UNC45A: variants seen among roughly 807,000 people sequenced by gnomAD.
UNC45A encodes protein unc-45 homolog A.
A neutral mutation model predicts 103.2 loss-of-function variants in UNC45A; 78 were observed. That is an observed-to-expected ratio of 0.76 (90% CI 0.63 to 0.91). The LOEUF is 0.91. Ranked by LOEUF, UNC45A falls within the 40% of genes least tolerant of loss-of-function variation. UNC45A has a pLI of 0.00. For synonymous variants in UNC45A, 495 were observed against 504.6 expected (o/e 0.98, Z 0.25); for missense variants, 1,193 against 1,224.8 (o/e 0.97, Z 0.39).
At chr15:90,932,482 C>G (rs544321005), upstream of UNC45A, 30 of 1,308,188 alleles carry the variant, frequency 2.3e-5, no homozygotes, top group East Asian at 3.8e-4. Flanking sequence ...CCGCTGCTGC[C>G]GGTGCTTGCG....
At chr15:90,946,939 T>A in intron 10 of UNC45A, 25 bp downstream of exon 10, 1 of 839,536 alleles carries the variant, frequency 1.2e-6, no homozygotes, top group Non-Finnish European at 1.9e-6. Flanking sequence ...CTGGGGTGGG[T>A]GGGCAGGCAG....
intron 14 of UNC45A, 55 bp downstream of exon 14, chr15:90,949,498 C>A (rs1596238831): frequency 6.2e-7 from 1 of 1,606,628 alleles, no homozygotes; most frequent in East Asian, 2.2e-5. Context: ...CTCAGGGCTG[C>A]AGATGTGGCT....
chr15:90,944,315 A>C (rs1478106034), intron 8 of UNC45A, among the ~76,000 whole-genome samples: 2 of 151,942 alleles, frequency 1.3e-5, no homozygotes, highest in Admixed American at 6.6e-5. Context: ...TGAACTCAGG[A>C]GGCGGAGGCT....
At chr15:90,931,486 T>G, upstream of UNC45A, 1 of 1,614,114 alleles carries the variant, frequency 6.2e-7, no homozygotes, top group South Asian at 1.1e-5. Flanking sequence ...CAAGCTTGGT[T>G]CAAGGCCATG....
chr15:90,953,311 G>T lies in UNC45A; in HGVS notation c.2577+1G>T. ...GCTCTGCAGCCGCATTCCCCAAGTG[G>T]TCAGTGCCTCTTCTCAGTGGGGGAG... On this transcript the variant is annotated splice_donor_variant, in intron 19 of 19. Coordinates refer to ENST00000418476, the MANE Select transcript of UNC45A (RefSeq NM_018671.5). LOFTEE classifies it high-confidence loss of function. 2.5e-6 allele frequency: 4 copies of T among 1,607,066 alleles called. No individual in the cohort carries two copies. Among genetic ancestry groups the T allele is most frequent in the Non-Finnish European group, 3.4e-6 (4 of 1,177,040 alleles).
chr15:90,943,524 G>C (rs2036401620), intron 8 of UNC45A, among the ~76,000 whole-genome samples: 1 of 151,972 alleles, frequency 6.6e-6, no homozygotes, highest in Non-Finnish European at 1.5e-5. Flanking sequence ...TGCTGGAGCT[G>C]AGAAGATCTT....
chr15:90,949,598 G>T (rs1224946391), intron 14 of UNC45A, 56 bp from the exon 15 acceptor site: 6 of 1,610,626 alleles, frequency 3.7e-6, no homozygotes, highest in Non-Finnish European at 5.1e-6. Flanking sequence ...TAGGAGTGCA[G>T]CGTCTGCCTG....
chr15:90,939,885 C>CTTCA, intron 5 of UNC45A, 62 bp downstream of exon 5: 2 of 1,497,314 alleles, frequency 1.3e-6, no homozygotes, highest in African/African-American at 1.4e-5. Flanking sequence ...CCATAGGCCC[C>CTTCA]CGAAGCCACT....
chr15:90,946,735 AGT>A lies in UNC45A; in HGVS notation c.1325_1326del (p.Val442AspfsTer7). The stretch of plus-strand genomic sequence containing the variant: ...CTTGGAGCTGAGCGGTGTCATGGAG[AGT>A]GTGATTGCTCTGTGTGCCTCTGAGC... ...RALELSGVMESVIALCASEQE... is the reference protein window; with the variant it reads ...RALELSGVMEXVIALCASEQE... On this transcript the variant is annotated frameshift_variant, in exon 10 of 20. Coordinates refer to ENST00000418476, the MANE Select transcript of UNC45A (RefSeq NM_018671.5). LOFTEE classifies it high-confidence loss of function. The A allele has an allele frequency of 1.2e-6, 2 of 1,613,664 alleles. No homozygotes were observed. The highest frequency in any genetic ancestry group is 1.7e-6 in the Non-Finnish European group (2 of 1,179,992).
At chr15:90,943,749 C>T (rs1463670272) in intron 8 of UNC45A, among the ~76,000 whole-genome samples, 1 of 151,260 alleles carries the variant, frequency 6.6e-6, no homozygotes, top group African/African-American at 2.4e-5. Context: ...AGTGCAGTGG[C>T]GCGATCTCAG....
At chr15:90,950,747 A>G (rs1039756517) in intron 17 of UNC45A, 132 bp downstream of exon 17, 13 of 892,604 alleles carry the variant, frequency 1.5e-5, no homozygotes, top group Non-Finnish European at 2.1e-5. Context: ...GCTCCGCATC[A>G]TTAGAGAGGA....
intron 17 of UNC45A, 26 bp from the exon 18 acceptor site, chr15:90,952,902 CT>C (rs1291954080): frequency 1.9e-6 from 3 of 1,600,554 alleles, no homozygotes; most frequent in African/African-American, 1.3e-5. Context: ...AACCGTATCC[CT>C]GCTGCTTCCT....
rs1202403596 is a variant in UNC45A, at chr15:90,940,377, T to G, written c.591T>G (p.Val197=). 1 of 1,614,170 alleles carries G rather than the reference T, an allele frequency of 6.2e-7. No individual in the cohort carries two copies. The change falls in exon 6 of 20, where the codon GTT becomes GTG. Residue 197 remains valine (V), a synonymous_variant. Coordinates refer to ENST00000418476, the MANE Select transcript of UNC45A (RefSeq NM_018671.5). ...AGAAGATCTTCCGGAGTAATGGGGT[T>G]CAGCTCTTGCAACGTTTACTGGACA... is the stretch of plus-strand genomic sequence containing the variant. The part of the protein sequence containing the change: ...GAEKIFRSNG[V]QLLQRLLDMG...
rs576054605 is a variant in UNC45A, at chr15:90,947,453, C to G, written c.1501-343C>G. ...TTTGGCTGTGGCTGAAGCACCTGTC[C>G]TCTCCCCACATGCCTCTCAACTCCA... is the stretch of plus-strand genomic sequence containing the variant. On this transcript the variant is annotated intron_variant, in intron 10 of 19. Transcript: ENST00000418476. The G allele has an allele frequency of 1.4e-3, 471 of 329,410 alleles. 4 individuals carry two copies. Among genetic ancestry groups the G allele is most frequent in the Non-Finnish European group, 2.6e-4 (45 of 172,664 alleles). The allele number at this position is 329,410 out of a possible 1,614,324, so 20.4% of individuals were successfully genotyped here.
chr15:90,936,603 G>A, intron 4 of UNC45A, 143 bp downstream of exon 4: 2 of 950,924 alleles, frequency 2.1e-6, no homozygotes, highest in South Asian at 1.8e-5. Context: ...TAAGATGACA[G>A]CACATTACTG....
Position 90,950,486 on chromosome 15 carries a change from G to T in UNC45A, c.2188-14G>T, listed in dbSNP as rs1185459031. 3 of 1,612,974 alleles carry T rather than the reference G, an allele frequency of 1.9e-6. No individual in the cohort carries two copies. Among genetic ancestry groups the T allele is most frequent in the Middle Eastern group, 3.3e-4 (2 of 6,080 alleles). On this transcript the variant is annotated splice_polypyrimidine_tract_variant and intron_variant, in intron 16 of 19. Coordinates refer to ENST00000418476, the MANE Select transcript of UNC45A (RefSeq NM_018671.5). ...TGCGGCAAGTACCCCTGACAGGTGG[G>T]GTGCACATTGCAGATCTATGAGGTG...
intron 13 of UNC45A, 80 bp downstream of exon 13, chr15:90,948,874 C>CAT: frequency 7.7e-7 from 1 of 1,300,074 alleles, no homozygotes. Context: ...GAACAACCTC[C>CAT]CTTTTTTTTT....
chr15:90,948,625 C>T, intron 12 of UNC45A, 29 bp from the exon 13 acceptor site: 1 of 1,609,952 alleles, frequency 6.2e-7, no homozygotes, highest in Non-Finnish European at 8.5e-7. Flanking sequence ...CCCCGGGATG[C>T]CCATGTGAAT....
rs142154255 is a variant in UNC45A at position 90,939,750 on chromosome 15, C to G, written c.446C>G (p.Thr149Arg). ...GTCTAGGTGCGATACATGTCCTCGA[C>G]GGATGCCAAAGTGGAACAGATGTTT... ...IQEKVRYMSS[T>R]DAKVEQMFQI... is the part of the protein sequence containing the mutation. Residue 149 changes from threonine to arginine, a missense_variant, in exon 5 of 20, where the codon ACG becomes AGG. Physicochemically the swap from Thr to Arg is moderately conservative, Grantham distance 71. Transcript: ENST00000418476. The G allele has an allele frequency of 6.2e-7, 1 of 1,614,192 alleles. No homozygotes were observed. The highest frequency in any genetic ancestry group is 1.3e-5 in the African/African-American group (1 of 75,058).
Sources: allele counts gnomAD v4.1 joint callset (sites outside exome capture counted in the v4.1 genomes callset), GRCh38; gene constraint gnomAD v4.1.1; transcripts MANE v1.5; gene names NCBI Gene and HGNC (gene_info 2026-07-23, HGNC 2026-07-21).